The following OGDH variants were observed in gnomAD, a reference collection of about 807,000 sequenced individuals.
OGDH encodes the protein 2-oxoglutarate dehydrogenase complex component E1.
In OGDH, 38 loss-of-function variants were observed where a neutral mutation model predicts 116.6. The observed-to-expected ratio is 0.33, with a 90% confidence interval of 0.25 to 0.43. The LOEUF (loss-of-function observed/expected upper bound fraction) is 0.43, where lower values mean the gene tolerates loss of function less well. OGDH is among the 20% of genes least tolerant of loss of function. OGDH has a pLI of 1.00. For missense variants in OGDH, 825 were observed against 1,357.2 expected (o/e 0.61, Z 6.16); for synonymous variants, 488 against 533.3 (o/e 0.92, Z 1.17).
intron 10 of OGDH, among the ~76,000 whole-genome samples, chr7:44,687,850 T>C (rs1416800246): frequency 2.0e-5 from 3 of 152,160 alleles, no homozygotes; most frequent in Non-Finnish European, 4.4e-5. Context: ...CGTGCAACTA[T>C]CACAGTTGAT....
At chr7:44,625,983 A>G (rs1026807184) in intron 2 of OGDH, among the ~76,000 whole-genome samples, 7 of 151,934 alleles carry the variant, frequency 4.6e-5, no homozygotes, top group African/African-American at 7.3e-5. Flanking sequence ...TAAAATTTAA[A>G]AGAAGGTGGG....
At chr7:44,647,634 C>G in intron 3 of OGDH, 23 bp from the exon 4 acceptor site, 13 of 1,600,960 alleles carry the variant, frequency 8.1e-6, no homozygotes, top group Non-Finnish European at 1.1e-5. Flanking sequence ...GTGTCCTTCC[C>G]TCTCATCGTT....
At chr7:44,705,051 CTTTTT>C (rs777624714) in intron 20 of OGDH, among the ~76,000 whole-genome samples, 1 of 93,924 alleles carries the variant, frequency 1.1e-5, no homozygotes, top group African/African-American at 5.9e-5. Context: ...TTTTAATTTT[CTTTTT>C]TTTTTTTTTT....
chr7:44,672,644 G>GTTTT (rs539935339), intron 5 of OGDH, among the ~76,000 whole-genome samples: 1 of 134,030 alleles, frequency 7.5e-6, no homozygotes, highest in Non-Finnish European at 1.6e-5. Context: ...TTTGTTTTTT[G>GTTTT]TTTTTTTTTT....
At chr7:44,690,910 A>T (rs1453139591) in intron 10 of OGDH, among the ~76,000 whole-genome samples, 1 of 151,898 alleles carries the variant, frequency 6.6e-6, no homozygotes, top group Non-Finnish European at 1.5e-5. Context: ...GGGCTCTCTT[A>T]TGTGTCAGGC....
At chr7:44,701,664 G>T in intron 20 of OGDH, 49 bp downstream of exon 20, 7 of 1,515,110 alleles carry the variant, frequency 4.6e-6, no homozygotes, top group Non-Finnish European at 5.5e-6. Flanking sequence ...TATGTTTGGG[G>T]CTTCTTTGCT....
chr7:44,700,083 T>A, intron 18 of OGDH, 58 bp from the exon 19 acceptor site: 3 of 1,585,564 alleles, frequency 1.9e-6, no homozygotes, highest in Non-Finnish European at 2.6e-6. Flanking sequence ...GGCCCCCACA[T>A]GCCCCAGAAG....
intron 5 of OGDH, among the ~76,000 whole-genome samples, chr7:44,671,972 G>A (rs866644614): frequency 6.6e-6 from 1 of 151,982 alleles, no homozygotes; most frequent in African/African-American, 2.4e-5. Context: ...GGGAGGCTGA[G>A]GCAGGAGAAT....
chr7:44,698,662 G>A (rs970692644), intron 18 of OGDH, among the ~76,000 whole-genome samples: 3 of 151,874 alleles, frequency 2.0e-5, no homozygotes, highest in African/African-American at 7.3e-5. Context: ...GCAACATGGT[G>A]AGACCCCGTC....
At position 44,707,704 on chromosome 7, in the gene OGDH, T is replaced by G. The variant is rs776013614; in HGVS notation, c.2919T>G (p.Leu973=). The change falls in exon 22 of 23, where the codon CTT becomes CTG. Residue 973 remains leucine (L), a synonymous_variant. Transcript: ENST00000222673. This position sits in a 1 kb window ranked among gnomAD's most constrained non-coding sequence, Gnocchi z 5.2. ...ACTATGACTACGTGAAGCCAAGACT[T>G]CGGACCACCATCAGCCGCGCCAAGC... is the stretch of plus-strand genomic sequence containing the variant. ...QGYYDYVKPR[L]RTTISRAKPV... The G allele has an allele frequency of 1.2e-6, 2 of 1,614,140 alleles. No individual in the cohort carries two copies. The highest frequency in any genetic ancestry group is 2.2e-5 in the South Asian group (2 of 91,084).
At chr7:44,652,243 G>A (rs1001474881) in intron 4 of OGDH, among the ~76,000 whole-genome samples, 2 of 151,930 alleles carry the variant, frequency 1.3e-5, no homozygotes, top group Non-Finnish European at 2.9e-5. Context: ...CAAGTAGCTG[G>A]GATTACAGGC....
At chr7:44,609,958 A>T (rs1190310581) in intron 1 of OGDH, among the ~76,000 whole-genome samples, 1 of 152,044 alleles carries the variant, frequency 6.6e-6, no homozygotes, top group African/African-American at 2.4e-5. Flanking sequence ...ACATCTTTTC[A>T]TGTGCTTATT....
chr7:44,617,578 A>G (rs1419943032), intron 1 of OGDH, among the ~76,000 whole-genome samples: 4 of 152,236 alleles, frequency 2.6e-5, no homozygotes, highest in Non-Finnish European at 5.9e-5. Context: ...ATTCTCAGCC[A>G]ATAAGGGAGA....
intron 10 of OGDH, among the ~76,000 whole-genome samples, chr7:44,689,204 G>GA (rs1788263141): frequency 1.4e-5 from 2 of 141,844 alleles, no homozygotes; most frequent in Non-Finnish European, 3.1e-5. Flanking sequence ...ATATATCAGG[G>GA]TTCCTTTTTT....
chr7:44,630,964 T>C (rs528472012), intron 2 of OGDH, among the ~76,000 whole-genome samples: 89 of 152,258 alleles, frequency 5.8e-4, no homozygotes, highest in Non-Finnish European at 1.1e-3. Flanking sequence ...GAGAATCTAA[T>C]GCCCCCGCTG....
intron 4 of OGDH, among the ~76,000 whole-genome samples, chr7:44,658,335 T>A (rs1320501093): frequency 1.3e-5 from 2 of 152,176 alleles, no homozygotes; most frequent in African/African-American, 4.8e-5. Flanking sequence ...TATTTACACT[T>A]AACTATTATT....
At chr7:44,683,111 T>G (rs1290044620) in intron 10 of OGDH, among the ~76,000 whole-genome samples, 1 of 152,098 alleles carries the variant, frequency 6.6e-6, no homozygotes, top group East Asian at 1.9e-4. Context: ...ATCACGCCAC[T>G]GCACTCCAGC....
intron 4 of OGDH, among the ~76,000 whole-genome samples, chr7:44,651,993 C>T (rs907847094): frequency 1.3e-5 from 2 of 152,100 alleles, no homozygotes; most frequent in Non-Finnish European, 2.9e-5. Context: ...AGTGAGCCAC[C>T]GTGCCCAGCC....
intron 20 of OGDH, among the ~76,000 whole-genome samples, chr7:44,706,132 G>A (rs986513836): frequency 3.3e-5 from 5 of 151,384 alleles, no homozygotes; most frequent in South Asian, 2.1e-4. Context: ...TTGTAGAGAC[G>A]GAGTATCACC....
Sources: allele counts gnomAD v4.1 joint callset (sites outside exome capture counted in the v4.1 genomes callset), GRCh38; gene constraint gnomAD v4.1.1; non-coding constraint Gnocchi (gnomAD v3.1); transcripts MANE v1.5; gene names NCBI Gene and HGNC (gene_info 2026-07-23, HGNC 2026-07-21).